Variants in MYO10 observed in about 807,000 individuals in gnomAD.
MYO10 encodes the protein myosin X.
Under a neutral mutation model 257.3 loss-of-function variants are expected in MYO10, and 133 were observed. The observed-to-expected ratio is 0.52, with a 90% CI of 0.45 to 0.60. The LOEUF is 0.60. Among genes scored for constraint, MYO10 ranks in the 20% least tolerant of loss-of-function variants. The probability of loss-of-function intolerance (pLI) is 0.00; values close to 1 mark genes in which losing one functional copy is unlikely to be tolerated. For synonymous variants in MYO10, 1,104 were observed against 1,028.6 expected, an observed-to-expected ratio of 1.07 and a Z score of -1.40; for missense variants, 2,399 against 2,635.7, an observed-to-expected ratio of 0.91 and a Z score of 1.97.
chr5:16,691,699 A>C (rs895693322), intron 27 of MYO10, among the ~76,000 whole-genome samples: 54 of 32,390 alleles, frequency 1.7e-3, no homozygotes, highest in African/African-American at 5.2e-3. Flanking sequence ...ACTCTGTATC[A>C]AAAAAAAAAA....
chr5:16,671,019 C>T (rs1315470376), intron 38 of MYO10, 41 bp from the exon 39 acceptor site: 3 of 1,536,048 alleles, frequency 2.0e-6, no homozygotes, highest in Non-Finnish European at 2.7e-6. Context: ...CAACGCACTG[C>T]CATGCCATGG....
At chr5:16,905,135 G>C (rs1464207941) in intron 1 of MYO10, among the ~76,000 whole-genome samples, 1 of 152,062 alleles carries the variant, frequency 6.6e-6, no homozygotes, top group Non-Finnish European at 1.5e-5. Flanking sequence ...CGCTTGATGC[G>C]GAGGGCACGC....
intron 1 of MYO10, among the ~76,000 whole-genome samples, chr5:16,899,693 G>T (rs115737796): frequency 0.011 from 1,617 of 151,098 alleles, 12 homozygotes; most frequent in Middle Eastern, 0.028. Context: ...AAATTGTACA[G>T]GTCCAGTGTA....
intron 39 of MYO10, among the ~76,000 whole-genome samples, chr5:16,670,009 C>T (rs942900591): frequency 7.2e-5 from 11 of 152,274 alleles, no homozygotes; most frequent in African/African-American, 2.6e-4. Flanking sequence ...GACCAGTTTG[C>T]CAAACTCTCA....
chr5:16,911,791 A>G (rs1427241783), intron 1 of MYO10, among the ~76,000 whole-genome samples: 10 of 152,192 alleles, frequency 6.6e-5, no homozygotes, highest in Non-Finnish European at 1.5e-4. Flanking sequence ...TAATCCCAGC[A>G]GTTTAGGAGG....
intron 1 of MYO10, among the ~76,000 whole-genome samples, chr5:16,900,232 G>A (rs966584047): frequency 6.6e-6 from 1 of 152,226 alleles, no homozygotes; most frequent in Admixed American, 6.5e-5. Flanking sequence ...AATAAAACTA[G>A]ACAATTAATT....
rs143196165 is a variant in MYO10, at chr5:16,678,584, T to C, written c.4542+1363A>G. On this transcript the variant is annotated intron_variant, in intron 33 of 40. Transcript: ENST00000513610. Reference sequence around the variant, plus strand: ...GACAAGCAAGACTCCGTCCTCCGTCTCAAAACAAACAAAAAACAACTGGCT... The same window carrying C: ...GACAAGCAAGACTCCGTCCTCCGTCCCAAAACAAACAAAAAACAACTGGCT... Among the ~76,000 whole-genome samples, 90 of 152,140 alleles carry C rather than the reference T, an allele frequency of 5.9e-4. No individual in the cohort carries two copies. In the East Asian group the frequency reaches 0.012, roughly 20 times the overall value.
At chr5:16,754,800 C>A (rs751994314) in intron 19 of MYO10, 28 bp downstream of exon 19, 3 of 1,538,796 alleles carry the variant, frequency 1.9e-6, no homozygotes, top group Non-Finnish European at 2.7e-6. Context: ...CGAGACAGAT[C>A]CCAGCCTAGG....
At chr5:16,845,096 G>A (rs1295581817) in intron 2 of MYO10, among the ~76,000 whole-genome samples, 1 of 152,090 alleles carries the variant, frequency 6.6e-6, no homozygotes, top group Non-Finnish European at 1.5e-5. Flanking sequence ...AAGGGAATGA[G>A]AACAATTTAA....
chr5:16,874,516 A>C lies in MYO10; in HGVS notation c.120+3093T>G, dbSNP rs377064593. 1.9e-4 allele frequency among the ~76,000 whole-genome samples: 29 copies of C among 152,208 alleles called. 1 individual carries two copies. The highest frequency in any genetic ancestry group is 6.7e-4 in the African/African-American group (28 of 41,518). Reference sequence around the variant, plus strand: ...CAGATGCCCTAAATCATCTCTCTCAAGTTTGAAGTTCCAGAAATCTCTAAG... The same window carrying C: ...CAGATGCCCTAAATCATCTCTCTCACGTTTGAAGTTCCAGAAATCTCTAAG... On this transcript the variant is annotated intron_variant, in intron 2 of 40. Coordinates refer to ENST00000513610, the MANE Select transcript of MYO10 (RefSeq NM_012334.3).
chr5:16,815,532 G>A, intron 3 of MYO10: 1 of 669,456 alleles, frequency 1.5e-6, no homozygotes. Flanking sequence ...ACAAGACTTT[G>A]TAATATGAAT....
At chr5:16,718,916 C>T (rs1282484739) in intron 19 of MYO10, among the ~76,000 whole-genome samples, 2 of 152,284 alleles carry the variant, frequency 1.3e-5, no homozygotes, top group East Asian at 1.9e-4. Flanking sequence ...GGATTGTAAA[C>T]GCGCCAATCA....
chr5:16,906,807 G>A (rs574697134), intron 1 of MYO10, among the ~76,000 whole-genome samples: 5 of 152,242 alleles, frequency 3.3e-5, no homozygotes, highest in Admixed American at 3.3e-4. Flanking sequence ...CTTGGCTGAT[G>A]TGGAGAAGAA....
chr5:16,677,194 C>T (rs1736767109), intron 33 of MYO10, among the ~76,000 whole-genome samples: 1 of 152,126 alleles, frequency 6.6e-6, no homozygotes, highest in Admixed American at 6.5e-5. Flanking sequence ...ATCATTCTAT[C>T]GTGGTAATTT....
At chr5:16,814,726 A>C (rs1446102549) in intron 3 of MYO10, 1 of 152,046 alleles carries the variant, frequency 6.6e-6, no homozygotes, top group Non-Finnish European at 1.5e-5. Context: ...CTTTATGGAT[A>C]ATATACAATT....
intron 1 of MYO10, among the ~76,000 whole-genome samples, chr5:16,889,251 C>G (rs1177816443): frequency 5.5e-5 from 8 of 145,262 alleles, no homozygotes; most frequent in Non-Finnish European, 1.5e-5. Flanking sequence ...ATTAAAAATA[C>G]AAAAATTAGC....
chr5:16,839,359 G>C (rs904680799), intron 2 of MYO10, among the ~76,000 whole-genome samples: 1 of 152,164 alleles, frequency 6.6e-6, no homozygotes, highest in African/African-American at 2.4e-5. Context: ...AGTGGAGGAA[G>C]TCATTGCAGA....
At chr5:16,786,813 A>G (rs1741593889) in intron 4 of MYO10, among the ~76,000 whole-genome samples, 1 of 152,062 alleles carries the variant, frequency 6.6e-6, no homozygotes, top group Non-Finnish European at 1.5e-5. Context: ...GCATATTAGA[A>G]TCACCTAATA....
chr5:16,865,811 G>A (rs577010280), intron 2 of MYO10, among the ~76,000 whole-genome samples: 8 of 142,646 alleles, frequency 5.6e-5, no homozygotes, highest in East Asian at 4.2e-4. Flanking sequence ...ACTCCGTCTC[G>A]ATAATAATAA....
Sources: gnomAD v4.1 joint callset for allele counts (sites outside exome capture counted in the v4.1 genomes callset) on GRCh38, gnomAD v4.1.1 for gene constraint, MANE v1.5 for transcripts, NCBI Gene and HGNC (gene_info 2026-07-23, HGNC 2026-07-21) for gene names.